The following MEIS3 variants were observed in gnomAD, a reference collection of about 807,000 sequenced individuals.
MEIS3 encodes the protein homeobox protein Meis3.
MEIS3 carries 38 observed loss-of-function variants against 51.4 expected under a neutral mutation model. The observed-to-expected ratio is 0.74, with a 90% CI of 0.57 to 0.97. MEIS3 has a LOEUF of 0.97. Among genes scored for constraint, MEIS3 ranks in the 50% least tolerant of loss-of-function variants. The probability of loss-of-function intolerance (pLI) is 0.00; values close to 1 mark genes in which losing one functional copy is unlikely to be tolerated. For missense variants in MEIS3, 456 were observed against 502.6 expected, an observed-to-expected ratio of 0.91 and a Z score of 0.89; for synonymous variants, 198 against 201.8, an observed-to-expected ratio of 0.98 and a Z score of 0.16.
At chr19:47,420,524 A>G (rs1413376270), upstream of MEIS3, among the ~76,000 whole-genome samples, 1 of 81,342 alleles carries the variant, frequency 1.2e-5, no homozygotes, top group Non-Finnish European at 2.4e-5. Context: ...TGTGATTCAG[A>G]GAGAGAGAGA....
chr19:47,417,580 G>C, intron 1 of MEIS3: 1 of 705,834 alleles, frequency 1.4e-6, no homozygotes, highest in Non-Finnish European at 2.6e-6. Context: ...CTGACATGTG[G>C]GCAGGAGGAC....
upstream of MEIS3, among the ~76,000 whole-genome samples, chr19:47,422,083 G>C (rs1341471680): frequency 6.6e-6 from 1 of 151,640 alleles, no homozygotes; most frequent in Non-Finnish European, 1.5e-5. Context: ...CCGCCCGCTG[G>C]CCACGCCATC....
At chr19:47,406,166 C>G (rs1970806409) in intron 12 of MEIS3, 1 of 289,058 alleles carries the variant, frequency 3.5e-6, no homozygotes, top group Admixed American at 5.0e-5. Context: ...GGTGGGTGGA[C>G]TAGGTTTGGA....
intron 6 of MEIS3, among the ~76,000 whole-genome samples, chr19:47,413,534 G>A (rs941601173): frequency 6.6e-6 from 1 of 152,096 alleles, no homozygotes; most frequent in Non-Finnish European, 1.5e-5. Flanking sequence ...TGTGTTCACA[G>A]TAGGATTGCC....
intron 1 of MEIS3, chr19:47,418,594 A>G (rs918524564): frequency 6.6e-6 from 1 of 152,346 alleles, no homozygotes; most frequent in African/African-American, 2.4e-5. Flanking sequence ...GGCTTGGAAC[A>G]AAAGTAGAGC....
chr19:47,408,982 G>A (rs1970982531), intron 8 of MEIS3, 117 bp downstream of exon 8: 8 of 1,267,286 alleles, frequency 6.3e-6, no homozygotes, highest in East Asian at 2.3e-5. Flanking sequence ...TGAGAGTCTC[G>A]AAAAATTTCC....
rs1400677720 is a variant in MEIS3, at chr19:47,417,478, TC to T, written c.13-129del. The stretch of plus-strand genomic sequence containing the variant: ...CTGTGTCCCAGAAACCTGCCTGTGG[TC>T]CCCAGGTGTCTGAGCCCCCAAGCTT... On this transcript the variant is annotated intron_variant, in intron 1 of 12. Coordinates refer to ENST00000558555, the MANE Select transcript of MEIS3 (RefSeq NM_001301059.2). 5 of 1,166,882 alleles carry T rather than the reference TC, an allele frequency of 4.3e-6. No individual in the cohort carries two copies. In the Admixed American group the frequency reaches 9.9e-5, roughly 23 times the overall value. 72.3% of individuals were successfully genotyped at this position (1,166,882 alleles called of 1,614,324 possible).
At chr19:47,407,320 G>A (rs1404063736) in intron 9 of MEIS3, 32 bp downstream of exon 9, 3 of 1,603,454 alleles carry the variant, frequency 1.9e-6, no homozygotes, top group Middle Eastern at 1.9e-4. Context: ...TCTCGCCCCG[G>A]GCCGGCCCGC....
intron 1 of MEIS3, 49 bp from the exon 2 acceptor site, chr19:47,417,399 A>C (rs747635978): frequency 1.2e-5 from 19 of 1,602,956 alleles, no homozygotes; most frequent in South Asian, 8.8e-5. Flanking sequence ...AGGGGTCAGC[A>C]CCCCGAGACT....
At chr19:47,419,965 A>G (rs1304196072), upstream of MEIS3, among the ~76,000 whole-genome samples, 1 of 151,930 alleles carries the variant, frequency 6.6e-6, no homozygotes, top group Admixed American at 6.5e-5. Flanking sequence ...CCTCTGCAGG[A>G]TGGGCAGTGC....
upstream of MEIS3, among the ~76,000 whole-genome samples, chr19:47,420,621 G>A (rs1366481322): frequency 1.3e-5 from 2 of 150,800 alleles, no homozygotes; most frequent in Admixed American, 6.6e-5. Flanking sequence ...TGGGGGACAG[G>A]AGCTCCAATA....
chr19:47,406,837 G>A (rs1389743777), intron 11 of MEIS3, 51 bp downstream of exon 11: 1 of 1,472,546 alleles, frequency 6.8e-7, no homozygotes, highest in South Asian at 1.2e-5. Context: ...TTGTTTTACA[G>A]GTGGGTCATG....
intron 8 of MEIS3, among the ~76,000 whole-genome samples, chr19:47,408,797 A>G (rs994402796): frequency 2.0e-5 from 3 of 152,016 alleles, no homozygotes; most frequent in African/African-American, 7.2e-5. Flanking sequence ...AAATGGAGAT[A>G]ATAGTAGCCC....
chr19:47,406,901 G>C lies in MEIS3; in HGVS notation c.1065C>G (p.Ala355=). The change falls in exon 11 of 13, where the codon GCC becomes GCG. Residue 355 remains alanine, a synonymous_variant. Transcript: ENST00000558555. ...GGYTETQPHV[A]VRPPGSVGMS... ...GGCGAGGCTTACCCGGAGGCCGGAC[G>C]GCCACGTGTGGCTGCGTCTCGGTAT... is the stretch of plus-strand genomic sequence containing the variant. 1.3e-6 allele frequency: 2 copies of C among 1,574,156 alleles called. No homozygotes were observed. Among genetic ancestry groups the C allele is most frequent in the Non-Finnish European group, 1.7e-6 (2 of 1,162,314 alleles).
At chr19:47,420,910 T>TCTCTCACACA (rs1457117398), upstream of MEIS3, among the ~76,000 whole-genome samples, 1 of 70,788 alleles carries the variant, frequency 1.4e-5, no homozygotes, top group South Asian at 7.3e-4. Context: ...TCTCTCTCTC[T>TCTCTCACACA]CACACACACA....
At chr19:47,415,026 G>T (rs1244693656) in intron 5 of MEIS3, 25 bp downstream of exon 5, 3 of 1,549,652 alleles carry the variant, frequency 1.9e-6, no homozygotes, top group South Asian at 1.2e-5. Context: ...GCAAGTGAGG[G>T]TGTGGGGAGG....
chr19:47,406,822 C>T, intron 11 of MEIS3, 66 bp downstream of exon 11: 1 of 1,375,878 alleles, frequency 7.3e-7, no homozygotes, highest in Non-Finnish European at 9.9e-7. Flanking sequence ...CTCAGGTGGG[C>T]ATCTTTGTTT....
At chr19:47,421,987 C>T (rs892939211), upstream of MEIS3, among the ~76,000 whole-genome samples, 1 of 152,082 alleles carries the variant, frequency 6.6e-6, no homozygotes, top group East Asian at 1.9e-4. Flanking sequence ...TACATCGCCC[C>T]CTTCCCGTCC....
upstream of MEIS3, among the ~76,000 whole-genome samples, chr19:47,421,467 G>T (rs1410540526): frequency 6.6e-6 from 1 of 152,142 alleles, no homozygotes; most frequent in Non-Finnish European, 1.5e-5. Flanking sequence ...AATGAACGAG[G>T]ATCCACCTTG....
Sources: allele counts gnomAD v4.1 joint callset (sites outside exome capture counted in the v4.1 genomes callset), GRCh38; gene constraint gnomAD v4.1.1; transcripts MANE v1.5; gene names NCBI Gene and HGNC (gene_info 2026-07-23, HGNC 2026-07-21).